SGCZ: variants seen among roughly 807,000 people sequenced by gnomAD.
SGCZ encodes the protein sarcoglycan zeta, also known as zeta-sarcoglycan.
Under a neutral mutation model 41.3 loss-of-function variants are expected in SGCZ, and 40 were observed. The ratio of observed to expected loss-of-function variants is 0.97; its 90% CI spans 0.75 to 1.26. SGCZ has a LOEUF of 1.26. SGCZ is among the 50% of genes most tolerant of loss of function. The pLI, the probability that SGCZ is intolerant of heterozygous loss-of-function variation, is 0.00. For missense variants in SGCZ, 552 were observed against 369.8 expected (o/e 1.49, Z -4.04); for synonymous variants, 206 against 137.5 (o/e 1.50, Z -3.49).
intron 2 of SGCZ, among the ~76,000 whole-genome samples, chr8:14,422,513 A>G (rs551756107): frequency 1.2e-4 from 18 of 152,192 alleles, no homozygotes; most frequent in Non-Finnish European, 2.5e-4. Context: ...GACCCCTCAC[A>G]CACTCATTGG....
intron 1 of SGCZ, among the ~76,000 whole-genome samples, chr8:14,985,858 G>A (rs1359364074): frequency 6.6e-6 from 1 of 152,154 alleles, no homozygotes; most frequent in East Asian, 1.9e-4. Context: ...TAAGTCAAAA[G>A]GCAAATGCCT....
intron 1 of SGCZ, among the ~76,000 whole-genome samples, chr8:15,184,924 T>C (rs1008546513): frequency 3.3e-5 from 5 of 152,076 alleles, no homozygotes; most frequent in African/African-American, 4.8e-5. Context: ...ATGCTGTCTG[T>C]CTCCTGACTG....
intron 4 of SGCZ, among the ~76,000 whole-genome samples, chr8:14,166,854 A>C (rs998434981): frequency 2.0e-5 from 3 of 152,188 alleles, no homozygotes; most frequent in South Asian, 2.1e-4. Context: ...AAATGTAAAT[A>C]AGCAAAGGCA....
intron 2 of SGCZ, among the ~76,000 whole-genome samples, chr8:14,503,194 G>T (rs140177424): frequency 0.01 from 1,587 of 152,146 alleles, 29 homozygotes; most frequent in African/African-American, 0.036. Context: ...ACTAACACAA[G>T]AACAGAAAGC....
chr8:14,298,188 G>C (rs1487351305), intron 3 of SGCZ, among the ~76,000 whole-genome samples: 3 of 151,880 alleles, frequency 2.0e-5, no homozygotes, highest in African/African-American at 7.2e-5. Context: ...CCGTTCACTA[G>C]TTATATAAGG....
intron 4 of SGCZ, among the ~76,000 whole-genome samples, chr8:14,219,467 A>G (rs4831283): frequency 0.95 from 144,348 of 152,306 alleles, 68,475 homozygotes; most frequent in East Asian, 0.98. Flanking sequence ...GTTGAATGAG[A>G]ACTGGGCACA....
intron 2 of SGCZ, among the ~76,000 whole-genome samples, chr8:14,467,753 C>T (rs1224021758): frequency 2.0e-5 from 3 of 151,960 alleles, no homozygotes; most frequent in Admixed American, 2.0e-4. Flanking sequence ...CATGTGCTTG[C>T]TTATGACATA....
intron 4 of SGCZ, among the ~76,000 whole-genome samples, chr8:14,207,482 T>C (rs1805655019): frequency 2.0e-5 from 3 of 152,344 alleles, no homozygotes; most frequent in Non-Finnish European, 2.9e-5. Flanking sequence ...CACTACTATG[T>C]TTATGGTTTA....
intron 2 of SGCZ, among the ~76,000 whole-genome samples, chr8:14,500,141 C>G (rs2117049717): frequency 6.6e-6 from 1 of 152,182 alleles, no homozygotes; most frequent in South Asian, 2.1e-4. Context: ...CTGGGTAAAA[C>G]TGCTTGAATT....
chr8:14,630,693 T>TAA (rs36180833), intron 1 of SGCZ, among the ~76,000 whole-genome samples: 1 of 151,586 alleles, frequency 6.6e-6, no homozygotes, highest in African/African-American at 2.4e-5. Context: ...TATGCAGCCA[T>TAA]AAAAAAGATG....
At chr8:14,886,482 TC>T (rs1804809053) in intron 1 of SGCZ, among the ~76,000 whole-genome samples, 1 of 152,110 alleles carries the variant, frequency 6.6e-6, no homozygotes, top group African/African-American at 2.4e-5. Flanking sequence ...AAGGCTTCAC[TC>T]AGGAGATATT....
intron 1 of SGCZ, among the ~76,000 whole-genome samples, chr8:14,850,139 A>T (rs545811688): frequency 7.5e-4 from 114 of 152,308 alleles, no homozygotes; most frequent in South Asian, 1.9e-3. Flanking sequence ...TAGATTCATG[A>T]TGTTTGCTTT....
rs56152915 is a variant in SGCZ, at chr8:14,326,111, C to CAAAAAAA, written c.235-1914_235-1908dup. Reference sequence around the variant, plus strand: ...TGGGCGAAAGAGTGAGACTCCGTCTCAAAAAAAAAAAAAAAAAAAGATGAG... The same window carrying CAAAAAAA: ...TGGGCGAAAGAGTGAGACTCCGTCTCAAAAAAAAAAAAAAAAAAAAAAAAAAGATGAG... On this transcript the variant is annotated intron_variant, in intron 2 of 7. Coordinates refer to ENST00000382080, the MANE Select transcript of SGCZ (RefSeq NM_139167.4). Among the ~76,000 whole-genome samples the CAAAAAAA allele has an allele frequency of 9.7e-3, 368 of 37,886 alleles. 77 individuals carry two copies. The highest frequency in any genetic ancestry group is 0.016 in the Admixed American group (29 of 1,786). 24.9% of individuals were successfully genotyped at this position (37,886 alleles called of 152,430 possible).
At chr8:14,603,291 T>A (rs1805651042) in intron 1 of SGCZ, among the ~76,000 whole-genome samples, 1 of 152,198 alleles carries the variant, frequency 6.6e-6, no homozygotes, top group African/African-American at 2.4e-5. Context: ...TTCAAACTTT[T>A]CATTTTATAA....
intron 1 of SGCZ, among the ~76,000 whole-genome samples, chr8:14,597,669 G>T (rs575270650): frequency 1.5e-4 from 23 of 152,136 alleles, no homozygotes; most frequent in Non-Finnish European, 2.9e-4. Context: ...TAGTAATGGG[G>T]TTTTACCATG....
intron 2 of SGCZ, among the ~76,000 whole-genome samples, chr8:14,364,761 A>T (rs1371625836): frequency 2.0e-5 from 3 of 151,942 alleles, no homozygotes; most frequent in Non-Finnish European, 4.4e-5. Flanking sequence ...GTTTATTATC[A>T]TTTGCTCATT....
chr8:14,665,309 A>G (rs1041981412), intron 1 of SGCZ, among the ~76,000 whole-genome samples: 1 of 152,162 alleles, frequency 6.6e-6, no homozygotes. Flanking sequence ...GATGGTTTCC[A>G]GCTTCATCCA....
chr8:14,639,772 G>T (rs1045182000), intron 1 of SGCZ, among the ~76,000 whole-genome samples: 1 of 151,618 alleles, frequency 6.6e-6, no homozygotes, highest in African/African-American at 2.4e-5. Context: ...TGATTCTCAT[G>T]TGAGAGACTT....
chr8:15,193,857 AT>A (rs1411728145), intron 1 of SGCZ, among the ~76,000 whole-genome samples: 2 of 152,126 alleles, frequency 1.3e-5, no homozygotes, highest in African/African-American at 4.8e-5. Context: ...TATTTTTTAC[AT>A]TTATAACCAG....
Sources: gnomAD v4.1 joint callset for allele counts (sites outside exome capture counted in the v4.1 genomes callset) on GRCh38, gnomAD v4.1.1 for gene constraint, MANE v1.5 for transcripts, NCBI Gene and HGNC (gene_info 2026-07-23, HGNC 2026-07-21) for gene names.